CAMTA1: variants seen among roughly 807,000 people sequenced by gnomAD.
The protein encoded by CAMTA1 is calmodulin binding transcription activator 1.
A neutral mutation model predicts 170.9 loss-of-function variants in CAMTA1; 27 were observed. The ratio of observed to expected loss-of-function variants is 0.16; its 90% CI spans 0.12 to 0.22. The LOEUF (loss-of-function observed/expected upper bound fraction) is 0.22. CAMTA1 is among the 10% of genes least tolerant of loss of function. CAMTA1 has a pLI of 1.00. For synonymous variants in CAMTA1, 833 were observed against 891.5 expected (o/e 0.93, Z 1.17); for missense variants, 1,619 against 2,217.2 (o/e 0.73, Z 5.42).
intron 5 of CAMTA1, among the ~76,000 whole-genome samples, chr1:7,255,536 TAGCCAGA>T (rs1667240499): frequency 6.6e-6 from 1 of 152,192 alleles, no homozygotes; most frequent in African/African-American, 2.4e-5. Context: ...TGATCTTCTT[TAGCCAGA>T]AGTGATGATT....
intron 11 of CAMTA1, among the ~76,000 whole-genome samples, chr1:7,691,244 C>T (rs977406915): frequency 3.9e-5 from 6 of 152,276 alleles, no homozygotes; most frequent in Non-Finnish European, 7.3e-5. Context: ...AGGAATGGCA[C>T]GCGCAGAAAC....
At chr1:7,089,170 C>A (rs1010350169) in intron 3 of CAMTA1, among the ~76,000 whole-genome samples, 1 of 152,108 alleles carries the variant, frequency 6.6e-6, no homozygotes, top group Non-Finnish European at 1.5e-5. Context: ...CCTCTGCCAG[C>A]CAGTGTATTT....
rs1345482488 is a variant in CAMTA1, at chr1:7,041,599, A to G, written c.235-49705A>G. The stretch of plus-strand genomic sequence containing the variant: ...GAAATGTGAAACATTATTATGTTAT[A>G]GAATATTGGAGTGAAGAAATACGCA... On this transcript the variant is annotated intron_variant, in intron 3 of 22. Coordinates refer to ENST00000303635, the MANE Select transcript of CAMTA1 (RefSeq NM_015215.4). This position sits in a 1 kb window ranked among gnomAD's most constrained non-coding sequence, Gnocchi z 5.1. Among the ~76,000 whole-genome samples the G allele has an allele frequency of 6.6e-6, 1 of 152,246 alleles. No individual in the cohort carries two copies. Among genetic ancestry groups the G allele is most frequent in the Non-Finnish European group, 1.5e-5 (1 of 68,042 alleles).
chr1:7,704,563 C>T (rs1313733650), intron 11 of CAMTA1, among the ~76,000 whole-genome samples: 2 of 148,606 alleles, frequency 1.3e-5, no homozygotes, highest in African/African-American at 2.4e-5. Context: ...CGGCGCAGTC[C>T]CCGCGCCGAG....
intron 4 of CAMTA1, among the ~76,000 whole-genome samples, chr1:7,208,052 T>G (rs910269052): frequency 1.6e-4 from 24 of 152,256 alleles, no homozygotes; most frequent in African/African-American, 5.5e-4. Context: ...GAAGCCTCTC[T>G]CTCCATGCTT....
intron 3 of CAMTA1, among the ~76,000 whole-genome samples, chr1:7,074,581 A>G (rs899693357): frequency 1.3e-5 from 2 of 152,144 alleles, no homozygotes; most frequent in African/African-American, 4.8e-5. Flanking sequence ...TTTTCTCCTC[A>G]ATGTTGTTAG....
chr1:7,665,304 G>A lies in CAMTA1; in HGVS notation c.2652+105G>A, dbSNP rs1377453091. On this transcript the variant is annotated intron_variant, in intron 9 of 22. Coordinates refer to ENST00000303635, the MANE Select transcript of CAMTA1 (RefSeq NM_015215.4). This position sits in a 1 kb window ranked among gnomAD's most constrained non-coding sequence, Gnocchi z 4.3. ...GGATGCCTGTGGCTGCCCTTCAGAG[G>A]AAGCTCTGGACCACAAAGATGATGC... 1 of 948,280 alleles carries A rather than the reference G, an allele frequency of 1.1e-6. No homozygotes were observed. The highest frequency in any genetic ancestry group is 1.6e-5 in the African/African-American group (1 of 60,776). The allele number at this position is 948,280 out of a possible 1,614,324, so 58.7% of individuals were successfully genotyped here.
chr1:7,211,868 C>T (rs756349707), intron 4 of CAMTA1, among the ~76,000 whole-genome samples: 2 of 152,204 alleles, frequency 1.3e-5, no homozygotes, highest in South Asian at 2.1e-4. Flanking sequence ...TCTAAACATC[C>T]GTGTTCATGG....
chr1:7,573,919 G>A (rs569607019), intron 6 of CAMTA1, among the ~76,000 whole-genome samples: 2 of 152,022 alleles, frequency 1.3e-5, no homozygotes, highest in South Asian at 2.1e-4. Context: ...GATTACAGGC[G>A]TGCACCACCA....
chr1:6,919,901 C>G (rs560523447), intron 3 of CAMTA1, among the ~76,000 whole-genome samples: 5 of 151,972 alleles, frequency 3.3e-5, no homozygotes, highest in East Asian at 1.9e-4. Context: ...CACTGGGTCC[C>G]CCCCATAACA....
rs1692274466 is a variant in CAMTA1 at position 6,970,170 on chromosome 1, T to A, written c.235-121134T>A. Among the ~76,000 whole-genome samples the A allele has an allele frequency of 6.6e-6, 1 of 152,226 alleles. No homozygotes were observed. Among genetic ancestry groups the A allele is most frequent in the Non-Finnish European group, 1.5e-5 (1 of 68,046 alleles). On this transcript the variant is annotated intron_variant, in intron 3 of 22. Coordinates refer to ENST00000303635, the MANE Select transcript of CAMTA1 (RefSeq NM_015215.4). The surrounding 1 kb of genome is among the most constrained non-coding windows in gnomAD (Gnocchi z 4.4). ...TTTTTGTTATAAAATTATATAATAA[T>A]CTTCCAGAAATTGAGGGACATGGAA...
chr1:6,860,557 T>G lies in CAMTA1; in HGVS notation c.234+35347T>G, dbSNP rs1047099146. Among the ~76,000 whole-genome samples, 3 of 152,202 alleles carry G rather than the reference T, an allele frequency of 2.0e-5. 1 individual carries two copies. Among genetic ancestry groups the G allele is most frequent in the Non-Finnish European group, 4.4e-5 (3 of 68,038 alleles). ...TTTTTTCTTTCCTTATACACTGATT[T>G]AGTTTTTGTCATTCTAACATATTGT... On this transcript the variant is annotated intron_variant, in intron 3 of 22. Coordinates refer to ENST00000303635, the MANE Select transcript of CAMTA1 (RefSeq NM_015215.4).
chr1:6,797,996 A>T (rs1026170646), intron 1 of CAMTA1, among the ~76,000 whole-genome samples: 10 of 141,740 alleles, frequency 7.1e-5, no homozygotes, highest in African/African-American at 2.1e-4. Context: ...GAAGAAAGGA[A>T]TTTTTTTTTT....
At chr1:7,207,412 A>T (rs2149047430) in intron 4 of CAMTA1, among the ~76,000 whole-genome samples, 1 of 152,326 alleles carries the variant, frequency 6.6e-6, no homozygotes, top group Non-Finnish European at 1.5e-5. Flanking sequence ...TTATATTACA[A>T]ATTCAGGAGG....
At chr1:7,706,068 G>C (rs563101957) in intron 11 of CAMTA1, among the ~76,000 whole-genome samples, 3 of 152,174 alleles carry the variant, frequency 2.0e-5, no homozygotes, top group Non-Finnish European at 4.4e-5. Context: ...CTACAAATCA[G>C]GTATCAGAAT....
chr1:6,990,869 G>A (rs1400367872), intron 3 of CAMTA1, among the ~76,000 whole-genome samples: 1 of 151,288 alleles, frequency 6.6e-6, no homozygotes, highest in Non-Finnish European at 1.5e-5. Context: ...CTTTTTGGGG[G>A]TACAAGTGGT....
At chr1:7,156,067 A>G (rs977906720) in intron 4 of CAMTA1, among the ~76,000 whole-genome samples, 8 of 152,048 alleles carry the variant, frequency 5.3e-5, no homozygotes, top group Non-Finnish European at 1.2e-4. Flanking sequence ...AGCCTGGCCA[A>G]CATGGAGACA....
chr1:7,666,026 G>A (rs1053161441), intron 9 of CAMTA1, among the ~76,000 whole-genome samples: 7 of 151,906 alleles, frequency 4.6e-5, no homozygotes, highest in African/African-American at 1.7e-4. Context: ...AAAATTAACT[G>A]GGCGTAGTGG....
chr1:6,944,782 T>C (rs1331754687), intron 3 of CAMTA1, among the ~76,000 whole-genome samples: 1 of 152,242 alleles, frequency 6.6e-6, no homozygotes, highest in Non-Finnish European at 1.5e-5. Context: ...GTTTTTCCAC[T>C]GTACCAATGG....
Sources: allele counts gnomAD v4.1 joint callset (sites outside exome capture counted in the v4.1 genomes callset), GRCh38; gene constraint gnomAD v4.1.1; non-coding constraint Gnocchi (gnomAD v3.1); transcripts MANE v1.5; gene names NCBI Gene and HGNC (gene_info 2026-07-23, HGNC 2026-07-21).